The following SUSD1 variants were observed in gnomAD, a reference collection of about 807,000 sequenced individuals.
SUSD1 encodes the protein sushi domain-containing protein 1.
A neutral mutation model predicts 86.9 loss-of-function variants in SUSD1; 65 were observed. The observed-to-expected ratio is 0.75, with a 90% CI of 0.61 to 0.92. The LOEUF is 0.92. SUSD1 is among the 40% of genes least tolerant of loss of function. The pLI is 0.00. For synonymous variants in SUSD1, 346 were observed against 350.0 expected (o/e 0.99, Z 0.13); for missense variants, 850 against 929.7 (o/e 0.91, Z 1.11).
chr9:112,143,778 C>T (rs1488458183), intron 3 of SUSD1, among the ~76,000 whole-genome samples, 155 bp from the exon 4 acceptor site: 1 of 152,054 alleles, frequency 6.6e-6, no homozygotes, highest in Non-Finnish European at 1.5e-5. Flanking sequence ...TTATTTTATG[C>T]CTTATGGGTT....
chr9:112,168,105 C>T (rs904468828), intron 1 of SUSD1, among the ~76,000 whole-genome samples: 4 of 152,170 alleles, frequency 2.6e-5, no homozygotes, highest in African/African-American at 9.7e-5. Context: ...AGGGACACAG[C>T]CAAACCATAT....
chr9:112,142,622 C>G, intron 4 of SUSD1, 123 bp from the exon 5 acceptor site: 1 of 872,430 alleles, frequency 1.1e-6, no homozygotes, highest in Non-Finnish European at 1.7e-6. Context: ...TTTAAGTACA[C>G]TGGTTCATTC....
chr9:112,123,045 G>A (rs1474498945), intron 6 of SUSD1, among the ~76,000 whole-genome samples: 5 of 152,204 alleles, frequency 3.3e-5, no homozygotes. Context: ...TGTGCAACAA[G>A]ATTGGTATAC....
At chr9:112,085,096 T>C (rs1829921902) in intron 10 of SUSD1, among the ~76,000 whole-genome samples, 1 of 152,196 alleles carries the variant, frequency 6.6e-6, no homozygotes, top group Non-Finnish European at 1.5e-5. Context: ...ACTCTCAGTG[T>C]CTAGGGCAGT....
At chr9:112,174,637 G>T (rs559247699) in intron 1 of SUSD1, among the ~76,000 whole-genome samples, 1 of 152,302 alleles carries the variant, frequency 6.6e-6, no homozygotes, top group South Asian at 2.1e-4. Flanking sequence ...TCTTCCTTAC[G>T]CGTCTTTCTC....
At chr9:112,049,945 T>C (rs188248627) in intron 15 of SUSD1, among the ~76,000 whole-genome samples, 11 of 152,350 alleles carry the variant, frequency 7.2e-5, no homozygotes, top group Admixed American at 2.0e-4. Context: ...TCCCTGTTAA[T>C]TTAATCATAG....
chr9:112,104,651 A>T (rs1461699945), intron 8 of SUSD1: 1 of 152,270 alleles, frequency 6.6e-6, no homozygotes, highest in East Asian at 1.9e-4. Flanking sequence ...GCTTTCTCAC[A>T]GCTGCTGCCC....
At chr9:112,108,859 CAA>C (rs1339462684) in intron 8 of SUSD1, among the ~76,000 whole-genome samples, 6 of 116,128 alleles carry the variant, frequency 5.2e-5, no homozygotes, top group African/African-American at 1.6e-4. Flanking sequence ...AAAATAAAAA[CAA>C]GAGGAGAAAT....
At chr9:112,143,672 A>G (rs1832684154) in intron 3 of SUSD1, 49 bp from the exon 4 acceptor site, 2 of 1,381,514 alleles carry the variant, frequency 1.4e-6, no homozygotes, top group South Asian at 1.5e-5. Flanking sequence ...CAGAAAAAAG[A>G]AAAAAAAAAG....
chr9:112,119,516 C>A (rs1831464957), intron 6 of SUSD1, among the ~76,000 whole-genome samples: 1 of 152,260 alleles, frequency 6.6e-6, no homozygotes, highest in South Asian at 2.1e-4. Context: ...CGATAAACAG[C>A]CTCTGTTCCA....
chr9:112,059,393 T>G (rs901950720), intron 13 of SUSD1, among the ~76,000 whole-genome samples: 1 of 152,208 alleles, frequency 6.6e-6, no homozygotes, highest in Non-Finnish European at 1.5e-5. Context: ...TGGAAAGGGT[T>G]AGCAGTCACA....
At chr9:112,156,520 C>T (rs185930295) in intron 2 of SUSD1, among the ~76,000 whole-genome samples, 1 of 152,216 alleles carries the variant, frequency 6.6e-6, no homozygotes, top group East Asian at 1.9e-4. Flanking sequence ...CATCCTCCTG[C>T]CTCAGCCTCC....
chr9:112,067,098 A>G (rs956850089), intron 12 of SUSD1, among the ~76,000 whole-genome samples: 1 of 152,164 alleles, frequency 6.6e-6, no homozygotes, highest in African/African-American at 2.4e-5. Context: ...GCTGGTCTCA[A>G]CACTCCTCAC....
Position 112,062,056 on chromosome 9 carries a change from C to G in SUSD1, c.1850+881G>C, listed in dbSNP as rs547581571. On this transcript the variant is annotated intron_variant, in intron 13 of 16. Transcript: ENST00000374270. Reference sequence around the variant, plus strand: ...GTCCTCCAACTGAGGTAAATTAATTCCATCCTAATGCCATCTGGAATCCCA... The same window carrying G: ...GTCCTCCAACTGAGGTAAATTAATTGCATCCTAATGCCATCTGGAATCCCA... Among the ~76,000 whole-genome samples the G allele has an allele frequency of 2.0e-5, 3 of 152,290 alleles. No individual in the cohort carries two copies. In the South Asian group the frequency reaches 6.2e-4, roughly 32 times the overall value.
intron 10 of SUSD1, among the ~76,000 whole-genome samples, chr9:112,094,970 GA>G (rs1309316002): frequency 6.6e-6 from 1 of 152,208 alleles, no homozygotes; most frequent in African/African-American, 2.4e-5. Flanking sequence ...CGGCTATAAG[GA>G]CATCTGCCTG....
At chr9:112,144,813 AT>A (rs11343821) in intron 3 of SUSD1, among the ~76,000 whole-genome samples, 68,358 of 151,810 alleles carry the variant, frequency 0.45, 16,070 homozygotes, top group African/African-American at 0.59. Flanking sequence ...CCTTTTGCAG[AT>A]TTTTTTGCAC....
chr9:112,134,116 G>A (rs1832154749), intron 5 of SUSD1, among the ~76,000 whole-genome samples: 1 of 151,996 alleles, frequency 6.6e-6, no homozygotes, highest in Non-Finnish European at 1.5e-5. Flanking sequence ...GCTGTCGGTG[G>A]GAATGTAAAT....
At chr9:112,100,210 G>A (rs983190310) in intron 9 of SUSD1, among the ~76,000 whole-genome samples, 5 of 151,854 alleles carry the variant, frequency 3.3e-5, no homozygotes, top group Non-Finnish European at 7.4e-5. Flanking sequence ...TTTTTTAGAC[G>A]GAGTCTTGCT....
rs1464870711 is a variant in SUSD1, at chr9:112,086,520, A to G, written c.1475-6355T>C. Among the ~76,000 whole-genome samples, 5 of 147,684 alleles carry G rather than the reference A, an allele frequency of 3.4e-5. No homozygotes were observed. The East Asian group carries it at 8.0e-4, about 24-fold the overall frequency. On this transcript the variant is annotated intron_variant, in intron 10 of 16. Coordinates refer to ENST00000374270, the MANE Select transcript of SUSD1 (RefSeq NM_022486.5). ...TAACTATGAAAAAAAGAAAGAAAGAAAGAGAGAGAGAGAGAAAAAAAGAAA... is the reference window on the plus strand; with the variant it reads ...TAACTATGAAAAAAAGAAAGAAAGAGAGAGAGAGAGAGAGAAAAAAAGAAA...
Sources: allele counts gnomAD v4.1 joint callset (sites outside exome capture counted in the v4.1 genomes callset), GRCh38; gene constraint gnomAD v4.1.1; transcripts MANE v1.5; gene names NCBI Gene and HGNC (gene_info 2026-07-23, HGNC 2026-07-21).